The following CLSTN2 variants were observed in gnomAD, a reference collection of about 807,000 sequenced individuals.
CLSTN2 encodes calsyntenin 2.
Under a neutral mutation model 101.2 loss-of-function variants are expected in CLSTN2, and 48 were observed. That is an observed-to-expected ratio of 0.47 (90% CI 0.38 to 0.60). The LOEUF is 0.60. Among genes scored for constraint, CLSTN2 ranks in the 20% least tolerant of loss-of-function variants. The probability of loss-of-function intolerance (pLI) is 0.00; values close to 1 mark genes in which losing one functional copy is unlikely to be tolerated. For synonymous variants in CLSTN2, 481 were observed against 463.6 expected, an observed-to-expected ratio of 1.04 and a Z score of -0.48; for missense variants, 1,160 against 1,238.2, an observed-to-expected ratio of 0.94 and a Z score of 0.95.
At chr3:140,535,615 T>A (rs1935343220) in intron 9 of CLSTN2, among the ~76,000 whole-genome samples, 1 of 152,266 alleles carries the variant, frequency 6.6e-6, no homozygotes, top group Non-Finnish European at 1.5e-5. Flanking sequence ...GCAAATTAAC[T>A]GTGAGCAGAA....
At chr3:139,989,962 C>T (rs12630457) in intron 1 of CLSTN2, among the ~76,000 whole-genome samples, 1 of 152,124 alleles carries the variant, frequency 6.6e-6, no homozygotes, top group Admixed American at 6.5e-5. Flanking sequence ...TTTTTTCTTA[C>T]AAATTACAAG....
At chr3:140,411,620 G>A (rs1241621144) in intron 4 of CLSTN2, among the ~76,000 whole-genome samples, 1 of 152,218 alleles carries the variant, frequency 6.6e-6, no homozygotes, top group East Asian at 1.9e-4. Flanking sequence ...AGAATATACA[G>A]TACACATGGA....
chr3:140,457,114 C>T (rs1052923160), intron 6 of CLSTN2, among the ~76,000 whole-genome samples: 1 of 152,202 alleles, frequency 6.6e-6, no homozygotes, highest in South Asian at 2.1e-4. Context: ...CCCTGCTAGA[C>T]CCCACCCTGC....
At chr3:140,147,361 G>C (rs553617556) in intron 1 of CLSTN2, among the ~76,000 whole-genome samples, 1 of 152,220 alleles carries the variant, frequency 6.6e-6, no homozygotes, top group East Asian at 1.9e-4. Flanking sequence ...CCTTGCTTTC[G>C]GGAATGTCAG....
At chr3:140,132,075 A>G (rs1236550920) in intron 1 of CLSTN2, among the ~76,000 whole-genome samples, 1 of 152,216 alleles carries the variant, frequency 6.6e-6, no homozygotes, top group Admixed American at 6.5e-5. Context: ...TGGCAATTAC[A>G]TTAAGGTTTC....
chr3:140,079,431 A>G (rs372594125), intron 1 of CLSTN2, among the ~76,000 whole-genome samples: 2 of 152,198 alleles, frequency 1.3e-5, no homozygotes, highest in Non-Finnish European at 2.9e-5. Context: ...TGGTAGGATC[A>G]TGTACTATGG....
At chr3:140,023,140 A>T (rs1453806878) in intron 1 of CLSTN2, among the ~76,000 whole-genome samples, 1 of 152,070 alleles carries the variant, frequency 6.6e-6, no homozygotes, top group Admixed American at 6.5e-5. Flanking sequence ...CGTTTCACTG[A>T]TCTCACCCCC....
intron 2 of CLSTN2, among the ~76,000 whole-genome samples, chr3:140,244,607 T>A (rs1553725236): frequency 6.6e-6 from 1 of 152,190 alleles, no homozygotes; most frequent in Non-Finnish European, 1.5e-5. Context: ...ACATAATAGC[T>A]GCTTAATAAC....
At chr3:140,390,994 C>A (rs2088107956) in intron 2 of CLSTN2, among the ~76,000 whole-genome samples, 1 of 152,146 alleles carries the variant, frequency 6.6e-6, no homozygotes. Flanking sequence ...TGCAAATTGT[C>A]TTTTTGCCTG....
chr3:140,431,260 A>G (rs899188712), intron 5 of CLSTN2, among the ~76,000 whole-genome samples: 9 of 152,178 alleles, frequency 5.9e-5, no homozygotes, highest in Admixed American at 3.3e-4. Flanking sequence ...AAGACTGTCC[A>G]TCTTTCAGAT....
chr3:140,573,839 G>A lies in CLSTN2; in HGVS notation c.*7586G>A, dbSNP rs936052352. 1 of 152,220 alleles carries A rather than the reference G, an allele frequency of 6.6e-6. No individual in the cohort carries two copies. The highest frequency in any genetic ancestry group is 1.5e-5 in the Non-Finnish European group (1 of 68,072). 9.4% of individuals were successfully genotyped at this position (152,220 alleles called of 1,614,324 possible). A position where few individuals can be genotyped will look rare whatever the true frequency, so the allele number is the denominator to read the frequency against. ...TGGCCCAAAGACACCCCTGTTTCTGGGGAACAGAAGGGAGCTGGTACCTCT... is the reference window on the plus strand; with the variant it reads ...TGGCCCAAAGACACCCCTGTTTCTGAGGAACAGAAGGGAGCTGGTACCTCT... On this transcript the variant is annotated 3_prime_UTR_variant, in exon 17 of 17. Transcript: ENST00000458420.
intron 11 of CLSTN2, 120 bp downstream of exon 11, chr3:140,556,781 C>T: frequency 1.1e-6 from 1 of 900,702 alleles, no homozygotes; most frequent in Admixed American, 2.6e-5. Context: ...CTGTCCTCAA[C>T]TTCTGCTATT....
intron 2 of CLSTN2, among the ~76,000 whole-genome samples, chr3:140,191,059 A>G (rs2010559848): frequency 6.6e-6 from 1 of 152,080 alleles, no homozygotes; most frequent in Non-Finnish European, 1.5e-5. Flanking sequence ...GAGGTTTTGT[A>G]AATGCCTTTT....
intron 8 of CLSTN2, among the ~76,000 whole-genome samples, chr3:140,511,228 A>T (rs9832511): frequency 6.6e-6 from 1 of 152,084 alleles, no homozygotes; most frequent in East Asian, 1.9e-4. Context: ...ATAGTATTCC[A>T]TGGTGTATAC....
At chr3:140,379,229 G>A (rs1229984158) in intron 2 of CLSTN2, among the ~76,000 whole-genome samples, 3 of 152,194 alleles carry the variant, frequency 2.0e-5, no homozygotes, top group Non-Finnish European at 4.4e-5. Context: ...TCTCACTTAG[G>A]CCTGTTGTTT....
chr3:140,144,575 C>T (rs927266475), intron 1 of CLSTN2, among the ~76,000 whole-genome samples: 1 of 152,160 alleles, frequency 6.6e-6, no homozygotes, highest in Non-Finnish European at 1.5e-5. Context: ...AAGATCGCGC[C>T]ACTGCACTCC....
At chr3:140,501,230 C>G (rs1934567446) in intron 8 of CLSTN2, among the ~76,000 whole-genome samples, 3 of 152,198 alleles carry the variant, frequency 2.0e-5, no homozygotes. Flanking sequence ...AATTCCATCG[C>G]TTCCTCATTA....
chr3:140,104,532 G>A (rs1392070705), intron 1 of CLSTN2, among the ~76,000 whole-genome samples: 1 of 152,196 alleles, frequency 6.6e-6, no homozygotes, highest in Non-Finnish European at 1.5e-5. Context: ...TACAGCTATG[G>A]CAAGTGTGCA....
At chr3:140,135,643 T>C (rs1421435015) in intron 1 of CLSTN2, among the ~76,000 whole-genome samples, 1 of 152,130 alleles carries the variant, frequency 6.6e-6, no homozygotes, top group Non-Finnish European at 1.5e-5. Context: ...TGAGAGAGGA[T>C]CTATAGTGGA....
Sources: allele counts gnomAD v4.1 joint callset (sites outside exome capture counted in the v4.1 genomes callset), GRCh38; gene constraint gnomAD v4.1.1; transcripts MANE v1.5; gene names NCBI Gene and HGNC (gene_info 2026-07-23, HGNC 2026-07-21).